GARIN5A: variants seen among roughly 807,000 people sequenced by gnomAD.
GARIN5A encodes Golgi-associated RAB2 interactor protein 5A.
At chr19:50,474,945 G>A in the GARIN5A span, among the ~76,000 whole-genome samples, 2,006 of 150,704 alleles carry the variant, frequency 0.013, 42 homozygotes, top group African/African-American at 0.047. Context: ...ACTGGCTCCC[G>A]GCTCTCTGAG....
chr19:50,472,148 G>A, the GARIN5A span, among the ~76,000 whole-genome samples: 26 of 137,376 alleles, frequency 1.9e-4, 1 homozygote, highest in East Asian at 3.9e-4. Context: ...GTATGTATAC[G>A]TGTGTATATG....
chr19:50,472,783 C>G, the GARIN5A span, among the ~76,000 whole-genome samples: 1 of 152,070 alleles, frequency 6.6e-6, no homozygotes, highest in Non-Finnish European at 1.5e-5. Flanking sequence ...GTAGTCCCAG[C>G]TACTCAGGCA....
chr19:50,468,487 G>A, the GARIN5A span, among the ~76,000 whole-genome samples: 12 of 151,870 alleles, frequency 7.9e-5, no homozygotes, highest in Admixed American at 2.6e-4. Flanking sequence ...TACTCCTCTT[G>A]GTCTTCCCTG....
the GARIN5A span, chr19:50,467,457 A>T: frequency 1.3e-6 from 1 of 763,080 alleles, no homozygotes; most frequent in Admixed American, 2.7e-5. Flanking sequence ...CAGACCCAGG[A>T]GTCCAGGACC....
the GARIN5A span, among the ~76,000 whole-genome samples, chr19:50,470,106 A>C: frequency 6.6e-6 from 1 of 152,194 alleles, no homozygotes; most frequent in East Asian, 1.9e-4. Flanking sequence ...ATTTGAAACC[A>C]AGCCGTCTGA....
the GARIN5A span, chr19:50,476,399 T>C: frequency 1.3e-6 from 2 of 1,550,668 alleles, no homozygotes; most frequent in Admixed American, 1.9e-5. Flanking sequence ...CCTGCTGACG[T>C]CAGGCCCCAG....
At chr19:50,476,073 T>C in the GARIN5A span, 2 of 1,609,468 alleles carry the variant, frequency 1.2e-6, no homozygotes, top group Non-Finnish European at 8.5e-7. Flanking sequence ...GCCGGCCCCA[T>C]CCTACTTGGT....
chr19:50,467,781 C>T, the GARIN5A span: 1,335 of 1,612,648 alleles, frequency 8.3e-4, 2 homozygotes, highest in Non-Finnish European at 1.0e-3. Context: ...CGAGCTGACA[C>T]CGGCTTTTGT....
the GARIN5A span, among the ~76,000 whole-genome samples, chr19:50,468,134 G>A: frequency 6.6e-6 from 1 of 152,246 alleles, no homozygotes; most frequent in African/African-American, 2.4e-5. Flanking sequence ...GCTGAGGCAG[G>A]AGGATCACCT....
chr19:50,475,857 G>A, the GARIN5A span: 2 of 1,613,700 alleles, frequency 1.2e-6, no homozygotes, highest in South Asian at 1.1e-5. Context: ...TCTCAAAGAT[G>A]GGGAAGTCCC....
chr19:50,475,428 C>G, the GARIN5A span: 3 of 1,609,116 alleles, frequency 1.9e-6, no homozygotes, highest in African/African-American at 1.3e-5. Flanking sequence ...ATGGTGACCT[C>G]GTTGGCAACT....
At chr19:50,474,783 G>A in the GARIN5A span, among the ~76,000 whole-genome samples, 5 of 152,250 alleles carry the variant, frequency 3.3e-5, no homozygotes, top group East Asian at 3.9e-4. Context: ...CACCGCACCC[G>A]ATCTGCATTA....
the GARIN5A span, among the ~76,000 whole-genome samples, chr19:50,470,697 C>T: frequency 2.7e-5 from 4 of 148,488 alleles, no homozygotes; most frequent in African/African-American, 1.0e-4. Flanking sequence ...CACTGTTTCC[C>T]GGGCTGGAGT....
At chr19:50,467,715 C>T in the GARIN5A span, 1 of 1,600,652 alleles carries the variant, frequency 6.2e-7, no homozygotes, top group Non-Finnish European at 8.5e-7. Context: ...GGTCTCGGGT[C>T]TTGAGTGGGG....
chr19:50,475,788 G>A, the GARIN5A span: 2 of 1,405,822 alleles, frequency 1.4e-6, no homozygotes, highest in Non-Finnish European at 2.0e-6. Context: ...AGGAGGTCGA[G>A]GGGCAGGCCG....
chr19:50,476,558 G>C, the GARIN5A span: 1 of 1,574,840 alleles, frequency 6.3e-7, no homozygotes, highest in Non-Finnish European at 8.6e-7. Context: ...GCGGCAGCCA[G>C]CGCTGGGGCA....
chr19:50,473,979 AAAAC>A, the GARIN5A span, among the ~76,000 whole-genome samples: 29 of 152,032 alleles, frequency 1.9e-4, no homozygotes, highest in African/African-American at 6.8e-4. Context: ...CTGTCTCAAA[AAAAC>A]AAACAACAAA....
At chr19:50,471,502 T>A in the GARIN5A span, among the ~76,000 whole-genome samples, 1 of 151,806 alleles carries the variant, frequency 6.6e-6, no homozygotes, top group Admixed American at 6.6e-5. Flanking sequence ...CTCCTGGCAA[T>A]CAGGTGATCT....
At chr19:50,476,555 C>G in the GARIN5A span, 1 of 1,573,964 alleles carries the variant, frequency 6.4e-7, no homozygotes. Flanking sequence ...ATGGCGGCAG[C>G]CAGCGCTGGG....
Sources: allele counts gnomAD v4.1 joint callset (sites outside exome capture counted in the v4.1 genomes callset), GRCh38; gene constraint gnomAD v4.1.1; transcripts MANE v1.5; gene names NCBI Gene and HGNC (gene_info 2026-07-23, HGNC 2026-07-21).